The following NF1 variants were observed in gnomAD, a reference collection of about 807,000 sequenced individuals.
NF1 encodes neurofibromin 1.
A neutral mutation model predicts 325.7 loss-of-function variants in NF1; 122 were observed. That is an observed-to-expected ratio of 0.37 (90% CI 0.32 to 0.44). NF1 has a LOEUF of 0.44. NF1 is among the 20% of genes least tolerant of loss of function. The pLI is 1.00. For missense variants in NF1, 2,140 were observed against 3,415.4 expected (o/e 0.63, Z 9.31); for synonymous variants, 1,091 against 1,186.0 (o/e 0.92, Z 1.65).
intron 35 of NF1, among the ~76,000 whole-genome samples, chr17:31,263,460 A>G (rs959984572): frequency 6.6e-6 from 1 of 150,908 alleles, no homozygotes; most frequent in Non-Finnish European, 1.5e-5. Context: ...ATAAATAAGT[A>G]AAAAGAAATA....
At chr17:31,287,275 A>G (rs577741258) in intron 36 of NF1, among the ~76,000 whole-genome samples, 11 of 152,366 alleles carry the variant, frequency 7.2e-5, no homozygotes, top group African/African-American at 2.6e-4. Context: ...TAGCACCCAC[A>G]AAGTGCTTTA....
intron 36 of NF1, among the ~76,000 whole-genome samples, chr17:31,312,355 C>T (rs2068898777): frequency 6.6e-6 from 1 of 151,628 alleles, no homozygotes; most frequent in Non-Finnish European, 1.5e-5. Flanking sequence ...ACTAAAAATA[C>T]AAAAAATTAG....
chr17:31,351,311 A>T (rs2070136649), intron 50 of NF1, among the ~76,000 whole-genome samples: 1 of 152,200 alleles, frequency 6.6e-6, no homozygotes, highest in African/African-American at 2.4e-5. Flanking sequence ...CTACGAGTAG[A>T]TTTTAAGTAT....
rs12943064 is a variant in NF1, at chr17:31,223,170, A to G, written c.1722-274A>G. 2.3e-3 allele frequency among the ~76,000 whole-genome samples: 343 copies of G among 152,290 alleles called. 1 individual carries two copies. Among genetic ancestry groups the G allele is most frequent in the Middle Eastern group, 3.4e-3 (1 of 294 alleles). On this transcript the variant is annotated intron_variant, in intron 15 of 57. Transcript: ENST00000358273. ...TTTATTGTTTCTTCTTATGTCTACT[A>G]CAAGGATGAGATACATGGATAGAAA...
At chr17:31,295,771 T>C in intron 36 of NF1, 2 of 1,614,194 alleles carry the variant, frequency 1.2e-6, no homozygotes, top group Non-Finnish European at 1.7e-6. Context: ...TCAGGTTTAT[T>C]AATGTACCTG....
In NF1 at chr17:31,235,663, A is replaced by G. The variant is rs1309286493; in HGVS notation, c.3761A>G (p.Tyr1254Cys). 2 of 1,614,064 alleles carry G rather than the reference A, an allele frequency of 1.2e-6. No homozygotes were observed. Among genetic ancestry groups the G allele is most frequent in the Non-Finnish European group, 1.7e-6 (2 of 1,179,990 alleles). ...VTLFDSRHLL[Y>C]QLLWNMFSKE... ...CTGTTTGATTCTCGGCATTTACTCT[A>G]CCAACTGCTCTGGAACATGTTTTCT... is the stretch of plus-strand genomic sequence containing the variant. Residue 1254 changes from tyrosine (Y) to cysteine (C), a missense_variant, in exon 28 of 58, where the codon TAC becomes TGC. Tyr to Cys is a radical substitution (Grantham distance 194). This residue lies in a region of NF1 where 336 missense variants were observed against 399.0 expected (regional missense o/e 0.84). Transcript: ENST00000358273.
chr17:31,320,379 A>C, intron 36 of NF1: 1 of 1,601,814 alleles, frequency 6.2e-7, no homozygotes, highest in Non-Finnish European at 8.5e-7. Flanking sequence ...TTACCTAGCT[A>C]GTATAGGTAG....
At chr17:31,285,889 T>C (rs1358132877) in intron 36 of NF1, among the ~76,000 whole-genome samples, 1 of 152,188 alleles carries the variant, frequency 6.6e-6, no homozygotes, top group Non-Finnish European at 1.5e-5. Flanking sequence ...CAGAGTTGTT[T>C]TCAGTAACGA....
At chr17:31,287,677 A>G (rs2068261046) in intron 36 of NF1, among the ~76,000 whole-genome samples, 1 of 151,740 alleles carries the variant, frequency 6.6e-6, no homozygotes, top group East Asian at 1.9e-4. Flanking sequence ...CTCCCACCTC[A>G]GCCTCCCAAG....
intron 4 of NF1, among the ~76,000 whole-genome samples, chr17:31,166,390 C>T (rs942203565): frequency 1.1e-4 from 16 of 152,098 alleles, no homozygotes; most frequent in African/African-American, 3.4e-4. Flanking sequence ...TGTTTCATCT[C>T]AGTTTTGGAA....
At chr17:31,294,605 AT>A in intron 36 of NF1, 2 of 196,198 alleles carry the variant, frequency 1.0e-5, no homozygotes, top group Middle Eastern at 5.0e-3. Context: ...GGTCATTTTG[AT>A]TCTGCTAAAG....
intron 48 of NF1, among the ~76,000 whole-genome samples, chr17:31,347,026 GA>G (rs71278515): frequency 6.6e-4 from 96 of 144,728 alleles, no homozygotes; most frequent in Admixed American, 1.7e-3. Context: ...CTTTTATTGT[GA>G]AAAAAAAAAC....
intron 4 of NF1, 129 bp downstream of exon 4, chr17:31,163,505 C>T (rs1191342404): frequency 3.1e-6 from 3 of 976,372 alleles, no homozygotes; most frequent in African/African-American, 3.3e-5. Flanking sequence ...TTCTTTTGCC[C>T]CTCACAGCAG....
At chr17:31,296,502 C>A in intron 36 of NF1, 1 of 678,460 alleles carries the variant, frequency 1.5e-6, no homozygotes, top group Non-Finnish European at 2.6e-6. Flanking sequence ...CATTTATAGT[C>A]CAAATGCTTA....
At chr17:31,273,234 A>G (rs761603330) in intron 36 of NF1, among the ~76,000 whole-genome samples, 3 of 152,222 alleles carry the variant, frequency 2.0e-5, no homozygotes, top group Non-Finnish European at 4.4e-5. Context: ...AAATTAGGAT[A>G]TTACTTCTAA....
chr17:31,238,552 G>A (rs2067241665), intron 29 of NF1, among the ~76,000 whole-genome samples: 1 of 152,042 alleles, frequency 6.6e-6, no homozygotes, highest in Non-Finnish European at 1.5e-5. Flanking sequence ...GTCTAACATG[G>A]TGAAACCCTG....
chr17:31,311,352 C>T (rs1180260197), intron 36 of NF1, among the ~76,000 whole-genome samples: 1 of 152,054 alleles, frequency 6.6e-6, no homozygotes, highest in African/African-American at 2.4e-5. Flanking sequence ...ATGCCATTAT[C>T]TTTTAAAGAG....
intron 29 of NF1, among the ~76,000 whole-genome samples, chr17:31,246,624 G>A (rs1339255892): frequency 1.3e-5 from 2 of 152,164 alleles, no homozygotes; most frequent in African/African-American, 4.8e-5. Context: ...TAAGTGGTGA[G>A]TTTCATAAGG....
At chr17:31,231,378 T>C (rs1221291088) in intron 24 of NF1, among the ~76,000 whole-genome samples, 1 of 152,194 alleles carries the variant, frequency 6.6e-6, no homozygotes, top group Non-Finnish European at 1.5e-5. Context: ...AGAAAATGAT[T>C]AAACACTATG....
Sources: allele counts gnomAD v4.1 joint callset (sites outside exome capture counted in the v4.1 genomes callset), GRCh38; gene constraint gnomAD v4.1.1; regional missense constraint gnomAD v4.1.1; transcripts MANE v1.5; gene names NCBI Gene and HGNC (gene_info 2026-07-23, HGNC 2026-07-21).